Variants in IL1RAPL1 observed in about 807,000 individuals in gnomAD.
IL1RAPL1 encodes interleukin 1 receptor accessory protein like 1, also known as interleukin-1 receptor accessory protein-like 1.
Under a neutral mutation model 48.4 loss-of-function variants are expected in IL1RAPL1, and 3 were observed. That is an observed-to-expected ratio of 0.06 (90% confidence interval 0.03 to 0.16). IL1RAPL1 has a LOEUF of 0.16. IL1RAPL1 is among the 10% of genes least tolerant of loss of function. The pLI is 1.00. For missense variants in IL1RAPL1, 349 were observed against 530.6 expected (o/e 0.66, Z 3.36); for synonymous variants, 185 against 187.7 (o/e 0.99, Z 0.12).
At chrX:29,515,992 A>G (rs1367140661) in intron 5 of IL1RAPL1, among the ~76,000 whole-genome samples, 1 of 112,019 alleles carries the variant, frequency 8.9e-6, no homozygotes, top group East Asian at 2.8e-4. Context: ...GGCCAAATCA[A>G]TTAATTTTAA....
chrX:29,328,855 G>A (rs1051245940), intron 3 of IL1RAPL1, among the ~76,000 whole-genome samples: 22 of 110,263 alleles, frequency 2.0e-4, no homozygotes, highest in African/African-American at 5.6e-4. Context: ...TCTTAAAGTC[G>A]TATGCTTTTC....
chrX:29,063,635 G>A (rs1927388520), intron 2 of IL1RAPL1, among the ~76,000 whole-genome samples: 1 of 111,965 alleles, frequency 8.9e-6, no homozygotes, highest in South Asian at 3.7e-4. Flanking sequence ...GGTTAGTGCA[G>A]TGCTGTATAC....
intron 9 of IL1RAPL1, among the ~76,000 whole-genome samples, chrX:29,951,532 C>G (rs1015833086): frequency 9.0e-6 from 1 of 111,247 alleles, no homozygotes; most frequent in African/African-American, 3.3e-5. Flanking sequence ...GAAGACCACT[C>G]AAATATAATT....
intron 3 of IL1RAPL1, among the ~76,000 whole-genome samples, chrX:29,356,942 A>T (rs1256522463): frequency 8.9e-6 from 1 of 111,781 alleles, no homozygotes; most frequent in East Asian, 2.8e-4. Flanking sequence ...GCCTCAGAGA[A>T]ATGTTTAAAC....
chrX:29,075,615 A>G (rs187426478), intron 2 of IL1RAPL1, among the ~76,000 whole-genome samples: 23 of 111,889 alleles, frequency 2.1e-4, no homozygotes, highest in Non-Finnish European at 1.1e-4. Flanking sequence ...ACTTAGACCA[A>G]CCTTAACGAT....
chrX:28,591,822 T>C (rs1933910135), intron 1 of IL1RAPL1, among the ~76,000 whole-genome samples: 2 of 111,357 alleles, frequency 1.8e-5, no homozygotes, highest in South Asian at 7.6e-4. Flanking sequence ...ACATTTGATT[T>C]CTCAGTGTTC....
At chrX:28,921,133 G>T (rs1400707587) in intron 2 of IL1RAPL1, among the ~76,000 whole-genome samples, 1 of 109,944 alleles carries the variant, frequency 9.1e-6, no homozygotes, top group African/African-American at 3.3e-5. Flanking sequence ...CTAGAAAAAT[G>T]AGTTAAAAAA....
intron 2 of IL1RAPL1, among the ~76,000 whole-genome samples, chrX:29,170,807 T>A: frequency 8.9e-6 from 1 of 111,815 alleles, no homozygotes; most frequent in East Asian, 2.8e-4. Flanking sequence ...CTCCGATAAC[T>A]TCAGCAAAAT....
chrX:29,108,297 C>T (rs1928488924), intron 2 of IL1RAPL1, among the ~76,000 whole-genome samples: 1 of 111,647 alleles, frequency 9.0e-6, no homozygotes, highest in Admixed American at 9.6e-5. Context: ...TATAGTGTTA[C>T]AGTGTCAGAA....
intron 9 of IL1RAPL1, among the ~76,000 whole-genome samples, chrX:29,944,399 A>T (rs1397286030): frequency 8.9e-6 from 1 of 111,851 alleles, no homozygotes; most frequent in African/African-American, 3.3e-5. Flanking sequence ...ACTTCCAGAC[A>T]CTGTTTTATC....
At chrX:29,570,771 G>A (rs6526887) in intron 5 of IL1RAPL1, among the ~76,000 whole-genome samples, 11,614 of 111,705 alleles carry the variant, frequency 0.1, 1,091 homozygotes, top group African/African-American at 0.3. Flanking sequence ...TGAGCACTAC[G>A]TTACATTGAT....
intron 1 of IL1RAPL1, among the ~76,000 whole-genome samples, chrX:28,598,829 T>C (rs1933986838): frequency 9.2e-6 from 1 of 109,067 alleles, no homozygotes; most frequent in South Asian, 4.1e-4. Context: ...GGTTTCACCA[T>C]GTCGGCCAGG....
At chrX:29,088,254 G>A (rs1051180480) in intron 2 of IL1RAPL1, among the ~76,000 whole-genome samples, 1 of 112,149 alleles carries the variant, frequency 8.9e-6, no homozygotes, top group South Asian at 3.7e-4. Flanking sequence ...TATTTTCTAT[G>A]TTGAATTATG....
chrX:28,627,557 A>G (rs772967278), intron 1 of IL1RAPL1, among the ~76,000 whole-genome samples: 1 of 112,191 alleles, frequency 8.9e-6, no homozygotes, highest in South Asian at 3.7e-4. Context: ...GTCAACACCT[A>G]TGCTCACTCT....
At chrX:29,837,802 G>A (rs563598788) in intron 6 of IL1RAPL1, among the ~76,000 whole-genome samples, 3 of 112,120 alleles carry the variant, frequency 2.7e-5, no homozygotes, top group East Asian at 2.8e-4. Context: ...ACACTTTAGC[G>A]TCATCTCGTG....
chrX:29,739,565 A>T (rs1466205945), intron 6 of IL1RAPL1, among the ~76,000 whole-genome samples: 1 of 111,846 alleles, frequency 8.9e-6, no homozygotes, highest in Non-Finnish European at 1.9e-5. Flanking sequence ...CCATAAAAAT[A>T]TAAAGTGTAT....
At chrX:28,712,521 T>C (rs1314855335) in intron 1 of IL1RAPL1, among the ~76,000 whole-genome samples, 1 of 111,770 alleles carries the variant, frequency 8.9e-6, no homozygotes, top group Non-Finnish European at 1.9e-5. Flanking sequence ...TCATGTTGAT[T>C]CTGGAAAGCA....
chrX:29,387,822 G>A lies in IL1RAPL1; in HGVS notation c.363-8436G>A, dbSNP rs916347076. On this transcript the variant is annotated intron_variant, in intron 3 of 10. Transcript: ENST00000378993. ...AGCCTGGCCAACAGGGTGAAACCCC[G>A]CCTCTACTAAATATACAAAAACCAG... Among the ~76,000 whole-genome samples the A allele has an allele frequency of 7.3e-5, 8 of 109,743 alleles. No homozygotes were observed. The East Asian group carries it at 8.7e-4, about 12-fold the overall frequency.
chrX:29,340,495 C>T (rs375203156), intron 3 of IL1RAPL1, among the ~76,000 whole-genome samples: 37 of 111,933 alleles, frequency 3.3e-4, no homozygotes, highest in African/African-American at 9.1e-4. Context: ...GATGTTCATC[C>T]GCATTCTGTC....
Sources: allele counts gnomAD v4.1 joint callset (sites outside exome capture counted in the v4.1 genomes callset), GRCh38; gene constraint gnomAD v4.1.1; transcripts MANE v1.5; gene names NCBI Gene and HGNC (gene_info 2026-07-23, HGNC 2026-07-21).